Variants in IWS1 observed in about 807,000 individuals in gnomAD.
The protein encoded by IWS1 is interacts with SUPT6H, CTD assembly factor 1.
Under a neutral mutation model 86.7 loss-of-function variants are expected in IWS1, and 27 were observed. The observed-to-expected ratio is 0.31, with a 90% CI of 0.23 to 0.43. The LOEUF is 0.43. Ranked by LOEUF, IWS1 falls within the 20% of genes least tolerant of loss-of-function variation. The pLI is 1.00. For synonymous variants in IWS1, 313 were observed against 335.1 expected (o/e 0.93, Z 0.72); for missense variants, 827 against 1,000.8 (o/e 0.83, Z 2.34).
Position 127,489,071 on chromosome 2 carries a change from C to A in IWS1, c.2216+108G>T, listed in dbSNP as rs1690080247. On this transcript the variant is annotated intron_variant, in intron 12 of 13. Transcript: ENST00000295321. This position sits in a 1 kb window ranked among gnomAD's most constrained non-coding sequence, Gnocchi z 4.8. ...ATACTAAACGTTAAAATGAAAGTCA[C>A]CTCCCACAAATGAGAGCATAACATC... 1.3e-5 allele frequency: 10 copies of A among 743,448 alleles called. No homozygotes were observed. In the South Asian group the frequency reaches 1.6e-4, roughly 12 times the overall value. 46.1% of individuals were successfully genotyped at this position (743,448 alleles called of 1,614,324 possible). A position where few individuals can be genotyped will look rare whatever the true frequency, so the allele number is the denominator to read the frequency against.
intron 5 of IWS1, chr2:127,498,650 T>G (rs2104686165): frequency 6.4e-6 from 1 of 155,474 alleles, no homozygotes; most frequent in Admixed American, 6.5e-5. Context: ...ATTTGCCTAG[T>G]CACATTTAGT....
At chr2:127,523,330 T>C (rs527250724) in intron 2 of IWS1, among the ~76,000 whole-genome samples, 27 of 152,252 alleles carry the variant, frequency 1.8e-4, no homozygotes, top group Non-Finnish European at 3.7e-4. Flanking sequence ...TTTCAAGTGG[T>C]GTTTCTTCAG....
chr2:127,501,341 T>C (rs1226180776), intron 5 of IWS1, among the ~76,000 whole-genome samples: 1 of 152,214 alleles, frequency 6.6e-6, no homozygotes, highest in Non-Finnish European at 1.5e-5. Context: ...CGTATTTTTT[T>C]TCCCTTGTGG....
chr2:127,509,474 C>T (rs532109365), intron 2 of IWS1, among the ~76,000 whole-genome samples: 8 of 151,960 alleles, frequency 5.3e-5, no homozygotes, highest in Admixed American at 4.6e-4. Flanking sequence ...TTTGGGAGGC[C>T]GAGGTGGGCA....
intron 5 of IWS1, among the ~76,000 whole-genome samples, chr2:127,500,677 T>A (rs1690754035): frequency 6.6e-6 from 1 of 152,216 alleles, no homozygotes; most frequent in African/African-American, 2.4e-5. Context: ...GCAATTGTTG[T>A]CCTTTAACTG....
chr2:127,483,600 T>TGGGG (rs1558736829), intron 13 of IWS1, among the ~76,000 whole-genome samples: 6 of 5,874 alleles, frequency 1.0e-3, no homozygotes, highest in Admixed American at 2.8e-3. Context: ...GTGGGGGGGT[T>TGGGG]GGGCTGTGTG....
At chr2:127,507,644 T>C (rs941802855) in intron 2 of IWS1, among the ~76,000 whole-genome samples, 1 of 152,220 alleles carries the variant, frequency 6.6e-6, no homozygotes, top group Non-Finnish European at 1.5e-5. Context: ...TTTAAAAGAA[T>C]GCAGATGGAA....
intron 13 of IWS1, among the ~76,000 whole-genome samples, chr2:127,483,641 T>C (rs1182146615): frequency 7.6e-6 from 1 of 132,116 alleles, no homozygotes; most frequent in Non-Finnish European, 1.6e-5. Flanking sequence ...CGTGTGTGTG[T>C]GTGTGTGTTT....
intron 5 of IWS1, among the ~76,000 whole-genome samples, chr2:127,502,418 C>T (rs1033296380): frequency 3.3e-5 from 5 of 152,206 alleles, no homozygotes; most frequent in African/African-American, 1.2e-4. Context: ...TAATTCTTTG[C>T]TACTTTGTTC....
chr2:127,510,453 G>GA (rs557912128), intron 2 of IWS1, among the ~76,000 whole-genome samples: 4 of 151,370 alleles, frequency 2.6e-5, no homozygotes, highest in South Asian at 2.1e-4. Flanking sequence ...ATGAATACCA[G>GA]AAAAAAAAAT....
In IWS1 at chr2:127,483,525, G is replaced by A. The variant is rs537161808; in HGVS notation, c.2329-2350C>T. Among the ~76,000 whole-genome samples, 96 of 142,834 alleles carry A rather than the reference G, an allele frequency of 6.7e-4. 2 individuals are homozygous for A. The highest frequency in any genetic ancestry group is 1.4e-3 in the Admixed American group (19 of 13,782). 93.7% of individuals were successfully genotyped at this position (142,834 alleles called of 152,430 possible). A position where few individuals can be genotyped will look rare whatever the true frequency, so the allele number is the denominator to read the frequency against. On this transcript the variant is annotated intron_variant, in intron 13 of 13. Transcript: ENST00000295321. Reference sequence around the variant, plus strand: ...ATGCAGCCATTAAAAATGATAAATCGACTAGGTGGTTTAATGAAGGAAAAT... The same window carrying A: ...ATGCAGCCATTAAAAATGATAAATCAACTAGGTGGTTTAATGAAGGAAAAT...
At chr2:127,506,507 A>G (rs1691159569) in intron 2 of IWS1, among the ~76,000 whole-genome samples, 1 of 152,204 alleles carries the variant, frequency 6.6e-6, no homozygotes, top group Non-Finnish European at 1.5e-5. Context: ...TATAAAATTT[A>G]ATTTTATTTA....
chr2:127,515,227 G>A (rs1691706702), intron 2 of IWS1, among the ~76,000 whole-genome samples: 2 of 152,276 alleles, frequency 1.3e-5, no homozygotes, highest in African/African-American at 2.4e-5. Flanking sequence ...GAAATTCGAG[G>A]GGCTGTTTTT....
intron 8 of IWS1, chr2:127,494,292 C>T (rs1359250956): frequency 9.0e-6 from 1 of 110,682 alleles, no homozygotes; most frequent in Admixed American, 9.1e-5. Context: ...AAGTTAGAAA[C>T]AAGGATCTAC....
intron 2 of IWS1, among the ~76,000 whole-genome samples, chr2:127,513,523 A>G (rs1280318244): frequency 6.6e-6 from 1 of 152,180 alleles, no homozygotes; most frequent in Non-Finnish European, 1.5e-5. Flanking sequence ...CCTAATTGTT[A>G]TAATTTTTTA....
chr2:127,523,560 T>C (rs1480436173), intron 2 of IWS1, 116 bp downstream of exon 2: 28 of 680,488 alleles, frequency 4.1e-5, no homozygotes, highest in Middle Eastern at 5.2e-4. Context: ...TATGCTCCTT[T>C]ACTCTCAGAG....
intron 8 of IWS1, among the ~76,000 whole-genome samples, chr2:127,493,917 A>G (rs978634358): frequency 6.6e-6 from 1 of 152,044 alleles, no homozygotes; most frequent in African/African-American, 2.4e-5. Flanking sequence ...AATAGAAAAG[A>G]TAACATTATA....
chr2:127,525,057 G>A (rs1236969753), intron 1 of IWS1, among the ~76,000 whole-genome samples: 5 of 142,480 alleles, frequency 3.5e-5, no homozygotes, highest in African/African-American at 1.0e-4. Context: ...CACCACACTC[G>A]GCTAATTTTT....
chr2:127,525,437 G>A (rs1481366862), intron 1 of IWS1, among the ~76,000 whole-genome samples: 3 of 152,186 alleles, frequency 2.0e-5, no homozygotes, highest in Non-Finnish European at 4.4e-5. Context: ...CATAGAGGGT[G>A]TATTTATTTA....
Sources: gnomAD v4.1 joint callset for allele counts (sites outside exome capture counted in the v4.1 genomes callset) on GRCh38, gnomAD v4.1.1 for gene constraint, Gnocchi (gnomAD v3.1) non-coding constraint, MANE v1.5 for transcripts, NCBI Gene and HGNC (gene_info 2026-07-23, HGNC 2026-07-21) for gene names.